The following CSNK2A2IP variants were observed in gnomAD, a reference collection of about 807,000 sequenced individuals.
CSNK2A2IP encodes casein kinase II subunit alpha'-interacting protein.
At chr3:88,412,928 C>T in the CSNK2A2IP span, among the ~76,000 whole-genome samples, 7 of 151,978 alleles carry the variant, frequency 4.6e-5, no homozygotes, top group Non-Finnish European at 1.0e-4. Flanking sequence ...TTATGCAGCA[C>T]GTGGCTATAT....
chr3:88,461,543 ACT>A, the CSNK2A2IP span, among the ~76,000 whole-genome samples: 7 of 152,136 alleles, frequency 4.6e-5, no homozygotes, highest in African/African-American at 1.7e-4. Flanking sequence ...ACAGAGCGAG[ACT>A]CTGTTTCAAA....
chr3:88,452,769 G>A, the CSNK2A2IP span, among the ~76,000 whole-genome samples: 1 of 151,900 alleles, frequency 6.6e-6, no homozygotes, highest in African/African-American at 2.4e-5. Flanking sequence ...TTTTTTCAGG[G>A]AATAAAAAAG....
the CSNK2A2IP span, among the ~76,000 whole-genome samples, chr3:88,449,870 T>TAGAGAGAGAG: frequency 1.2e-5 from 1 of 81,798 alleles, no homozygotes; most frequent in Non-Finnish European, 2.9e-5. Flanking sequence ...TATATATATA[T>TAGAGAGAGAG]ATATAGAGAG....
chr3:88,350,029 T>A, the CSNK2A2IP span, among the ~76,000 whole-genome samples: 1 of 152,116 alleles, frequency 6.6e-6, no homozygotes, highest in Non-Finnish European at 1.5e-5. Flanking sequence ...CACCTTCTTG[T>A]CACCACTGCT....
the CSNK2A2IP span, among the ~76,000 whole-genome samples, chr3:88,400,426 T>C: frequency 6.6e-6 from 1 of 152,236 alleles, no homozygotes; most frequent in East Asian, 1.9e-4. Context: ...AAGGTTTCCA[T>C]GTGCTAATTT....
the CSNK2A2IP span, among the ~76,000 whole-genome samples, chr3:88,348,913 C>A: frequency 6.6e-6 from 1 of 151,812 alleles, no homozygotes; most frequent in Non-Finnish European, 1.5e-5. Context: ...ATGTTTTTTT[C>A]TTTCTGCCCT....
chr3:88,442,795 TC>T, the CSNK2A2IP span, among the ~76,000 whole-genome samples: 2 of 152,028 alleles, frequency 1.3e-5, no homozygotes, highest in Non-Finnish European at 2.9e-5. Flanking sequence ...AATTCTTGCA[TC>T]CCTGTTTTAC....
At chr3:88,354,920 T>C in the CSNK2A2IP span, among the ~76,000 whole-genome samples, 3 of 152,042 alleles carry the variant, frequency 2.0e-5, no homozygotes, top group Admixed American at 2.0e-4. Flanking sequence ...TTGATAACAT[T>C]CAAAGGGCTA....
At chr3:88,408,959 G>C in the CSNK2A2IP span, among the ~76,000 whole-genome samples, 1 of 151,862 alleles carries the variant, frequency 6.6e-6, no homozygotes, top group Non-Finnish European at 1.5e-5. Context: ...TGCCAACTGA[G>C]ACCATTGAAA....
chr3:88,448,757 T>G, the CSNK2A2IP span, among the ~76,000 whole-genome samples: 4 of 152,224 alleles, frequency 2.6e-5, no homozygotes, highest in African/African-American at 9.6e-5. Context: ...TTTAGAGTCA[T>G]TGTGGCAAGT....
chr3:88,375,573 T>C, the CSNK2A2IP span, among the ~76,000 whole-genome samples: 1 of 151,666 alleles, frequency 6.6e-6, no homozygotes, highest in African/African-American at 2.4e-5. Flanking sequence ...AGAGGAAAAG[T>C]GTTGATACCC....
chr3:88,429,954 G>T, the CSNK2A2IP span, among the ~76,000 whole-genome samples: 7 of 151,598 alleles, frequency 4.6e-5, no homozygotes, highest in Non-Finnish European at 1.0e-4. Flanking sequence ...GTAGAGAAGG[G>T]GTTTCACCAT....
At chr3:88,463,398 G>A in the CSNK2A2IP span, among the ~76,000 whole-genome samples, 4 of 152,070 alleles carry the variant, frequency 2.6e-5, no homozygotes, top group Admixed American at 2.0e-4. Flanking sequence ...ATAGATGCTT[G>A]TATCACTTTA....
the CSNK2A2IP span, among the ~76,000 whole-genome samples, chr3:88,340,360 A>G: frequency 2.6e-5 from 4 of 152,010 alleles, no homozygotes; most frequent in Non-Finnish European, 5.9e-5. Flanking sequence ...AGCACTTAAA[A>G]TTTTTAAAAA....
the CSNK2A2IP span, among the ~76,000 whole-genome samples, chr3:88,381,700 T>C: frequency 2.0e-5 from 3 of 152,156 alleles, no homozygotes; most frequent in Non-Finnish European, 2.9e-5. Flanking sequence ...AGAAAAGCAA[T>C]TTCAGCAGCG....
chr3:88,408,651 T>C, the CSNK2A2IP span, among the ~76,000 whole-genome samples: 1 of 151,972 alleles, frequency 6.6e-6, no homozygotes, highest in African/African-American at 2.4e-5. Flanking sequence ...CGTGGAGCAG[T>C]ATAAATTCCC....
chr3:88,381,874 T>G, the CSNK2A2IP span, among the ~76,000 whole-genome samples: 1 of 152,196 alleles, frequency 6.6e-6, no homozygotes, highest in Non-Finnish European at 1.5e-5. Context: ...GATCTAAAAA[T>G]GTATCAAGTT....
At chr3:88,343,907 C>T in the CSNK2A2IP span, among the ~76,000 whole-genome samples, 1 of 151,900 alleles carries the variant, frequency 6.6e-6, no homozygotes, top group Admixed American at 6.6e-5. Context: ...ATCAATATTT[C>T]ACAATAAATC....
chr3:88,350,599 T>A, the CSNK2A2IP span, among the ~76,000 whole-genome samples: 3 of 112,710 alleles, frequency 2.7e-5, no homozygotes, highest in African/African-American at 3.6e-5. Flanking sequence ...TCAAAGATGA[T>A]GAAAAAAAAA....
Sources: gnomAD v4.1 joint callset for allele counts (sites outside exome capture counted in the v4.1 genomes callset) on GRCh38, gnomAD v4.1.1 for gene constraint, MANE v1.5 for transcripts, NCBI Gene and HGNC (gene_info 2026-07-23, HGNC 2026-07-21) for gene names.